The following KCNIP4 variants were observed in gnomAD, a reference collection of about 807,000 sequenced individuals.
KCNIP4 encodes the protein potassium voltage-gated channel interacting protein 4.
KCNIP4 carries 12 observed loss-of-function variants against 34.0 expected under a neutral mutation model. The observed-to-expected ratio is 0.35, with a 90% CI of 0.23 to 0.57. The LOEUF is 0.57. Among genes scored for constraint, KCNIP4 ranks in the 20% least tolerant of loss-of-function variants. The probability of loss-of-function intolerance (pLI) is 0.83; values close to 1 mark genes in which losing one functional copy is unlikely to be tolerated. For synonymous variants in KCNIP4, 124 were observed against 102.2 expected, an observed-to-expected ratio of 1.21 and a Z score of -1.29; for missense variants, 238 against 311.7, an observed-to-expected ratio of 0.76 and a Z score of 1.78.
intron 1 of KCNIP4, among the ~76,000 whole-genome samples, chr4:20,995,225 T>C (rs979432253): frequency 6.6e-6 from 1 of 152,206 alleles, no homozygotes; most frequent in African/African-American, 2.4e-5. Flanking sequence ...TTAGATTTTT[T>C]TTCTTTTCTA....
chr4:21,343,869 T>C (rs1717020881), intron 1 of KCNIP4, among the ~76,000 whole-genome samples: 1 of 152,152 alleles, frequency 6.6e-6, no homozygotes, highest in African/African-American at 2.4e-5. Flanking sequence ...TCTGTTCTCC[T>C]GTTTTTATTA....
chr4:21,065,764 A>ATATG (rs1224077863), intron 1 of KCNIP4, among the ~76,000 whole-genome samples: 3 of 117,652 alleles, frequency 2.5e-5, no homozygotes, highest in Admixed American at 1.8e-4. Flanking sequence ...ATATATATAT[A>ATATG]TAACTCAATT....
At chr4:20,744,738 G>A (rs572233106) in intron 5 of KCNIP4, among the ~76,000 whole-genome samples, 64 of 152,202 alleles carry the variant, frequency 4.2e-4, no homozygotes, top group African/African-American at 1.4e-3. Flanking sequence ...TGCACATTTT[G>A]CACATGTACC....
chr4:21,497,768 T>A (rs1732970504), intron 1 of KCNIP4, among the ~76,000 whole-genome samples: 1 of 152,148 alleles, frequency 6.6e-6, no homozygotes, highest in Non-Finnish European at 1.5e-5. Flanking sequence ...ATAATTCTAC[T>A]TATATAAATT....
At chr4:21,465,925 T>C (rs2109789408) in intron 1 of KCNIP4, among the ~76,000 whole-genome samples, 1 of 152,294 alleles carries the variant, frequency 6.6e-6, no homozygotes, top group South Asian at 2.1e-4. Context: ...ACAACGTGTA[T>C]ACTCTTCCCT....
chr4:21,879,172 G>A (rs372104848), intron 1 of KCNIP4, among the ~76,000 whole-genome samples: 11 of 152,008 alleles, frequency 7.2e-5, no homozygotes, highest in African/African-American at 2.4e-4. Context: ...ATCACAGTCC[G>A]CTTTTTAAAA....
intron 1 of KCNIP4, among the ~76,000 whole-genome samples, chr4:21,690,510 C>G (rs1484778146): frequency 2.6e-5 from 4 of 152,128 alleles, no homozygotes; most frequent in Middle Eastern, 3.2e-3. Context: ...GGGACCTCCT[C>G]TCCTCTTGCT....
chr4:20,913,896 C>T (rs1413233641), intron 1 of KCNIP4, among the ~76,000 whole-genome samples: 1 of 152,132 alleles, frequency 6.6e-6, no homozygotes, highest in Non-Finnish European at 1.5e-5. Context: ...TGGCTCATGC[C>T]TGTAATCCCA....
At chr4:21,278,947 T>G (rs947186245) in intron 1 of KCNIP4, among the ~76,000 whole-genome samples, 2 of 152,166 alleles carry the variant, frequency 1.3e-5, no homozygotes, top group East Asian at 3.9e-4. Context: ...AGCCCTTGAA[T>G]GTTGAGTGAA....
chr4:21,792,358 G>A (rs1240505551), intron 1 of KCNIP4, among the ~76,000 whole-genome samples: 1 of 152,114 alleles, frequency 6.6e-6, no homozygotes. Context: ...CTTCTGTGAT[G>A]TTAATTTTTA....
At chr4:21,878,534 T>C (rs1578102569) in intron 1 of KCNIP4, among the ~76,000 whole-genome samples, 2 of 152,226 alleles carry the variant, frequency 1.3e-5, no homozygotes, top group African/African-American at 2.4e-5. Context: ...AAGAAGTATG[T>C]ACTTTCTCTG....
intron 1 of KCNIP4, among the ~76,000 whole-genome samples, chr4:21,262,297 T>C (rs1447447382): frequency 6.6e-6 from 1 of 152,172 alleles, no homozygotes; most frequent in Admixed American, 6.5e-5. Context: ...TCACCTTGGG[T>C]TGCCCTCTTA....
intron 1 of KCNIP4, among the ~76,000 whole-genome samples, chr4:21,309,487 T>TA (rs1334303346): frequency 6.6e-6 from 1 of 152,128 alleles, no homozygotes; most frequent in Non-Finnish European, 1.5e-5. Flanking sequence ...AATTAAAAAT[T>TA]AAAAAAATAT....
intron 1 of KCNIP4, among the ~76,000 whole-genome samples, chr4:21,599,120 T>C (rs1457021950): frequency 6.6e-6 from 1 of 152,132 alleles, no homozygotes; most frequent in Admixed American, 6.6e-5. Flanking sequence ...AGTTAGCTCC[T>C]GTGTGGAGAC....
chr4:21,141,866 CAA>C (rs202219269), intron 1 of KCNIP4, among the ~76,000 whole-genome samples: 8 of 147,170 alleles, frequency 5.4e-5, no homozygotes, highest in South Asian at 4.3e-4. Context: ...AAAATAACAA[CAA>C]AAAAAAAAAA....
At chr4:20,790,080 G>A (rs1235360267) in intron 3 of KCNIP4, among the ~76,000 whole-genome samples, 4 of 152,040 alleles carry the variant, frequency 2.6e-5, no homozygotes, top group African/African-American at 4.8e-5. Flanking sequence ...TACACATCTA[G>A]GCTATATGGT....
chr4:20,876,101 T>C (rs975854575), intron 2 of KCNIP4, among the ~76,000 whole-genome samples: 26 of 152,198 alleles, frequency 1.7e-4, no homozygotes, highest in Admixed American at 3.9e-4. Flanking sequence ...AATCAATTAT[T>C]TTGATTGAAT....
chr4:21,098,229 T>C (rs1747630317), intron 1 of KCNIP4, among the ~76,000 whole-genome samples: 1 of 152,184 alleles, frequency 6.6e-6, no homozygotes, highest in African/African-American at 2.4e-5. Context: ...AAGCAGCAAA[T>C]GCTGATGTAG....
chr4:21,252,678 T>C (rs1036775958), intron 1 of KCNIP4, among the ~76,000 whole-genome samples: 1 of 151,704 alleles, frequency 6.6e-6, no homozygotes, highest in Non-Finnish European at 1.5e-5. Context: ...GATGTCATCA[T>C]GACCCTGATA....
Sources: gnomAD v4.1 joint callset for allele counts (sites outside exome capture counted in the v4.1 genomes callset) on GRCh38, gnomAD v4.1.1 for gene constraint, MANE v1.5 for transcripts, NCBI Gene and HGNC (gene_info 2026-07-23, HGNC 2026-07-21) for gene names.